Variants in CIMIP2B observed in about 807,000 individuals in gnomAD.
CIMIP2B encodes ciliary microtubule inner protein 2B.
the CIMIP2B span, chr9:35,562,521 C>G: frequency 1.9e-6 from 3 of 1,576,236 alleles, no homozygotes; most frequent in Non-Finnish European, 2.6e-6. Flanking sequence ...TTGGTGAGCA[C>G]AGGAAAGCTG....
chr9:35,563,802 T>C, the CIMIP2B span: 1 of 1,614,008 alleles, frequency 6.2e-7, no homozygotes, highest in South Asian at 1.1e-5. Context: ...GGTTGAGCCC[T>C]GGTATGAAGG....
the CIMIP2B span, chr9:35,563,791 GGGT>G: frequency 6.2e-7 from 1 of 1,614,044 alleles, no homozygotes; most frequent in Non-Finnish European, 8.5e-7. Flanking sequence ...AGGGTTCTGA[GGGT>G]TGAGCCCTGG....
At chr9:35,563,618 C>T in the CIMIP2B span, 1 of 763,644 alleles carries the variant, frequency 1.3e-6, no homozygotes, top group Non-Finnish European at 2.2e-6. Flanking sequence ...TCACTAGTCC[C>T]TTGCTTCTCC....
chr9:35,563,869 G>C, the CIMIP2B span: 21 of 1,585,008 alleles, frequency 1.3e-5, no homozygotes, highest in Non-Finnish European at 1.8e-5. Flanking sequence ...TTGAGCCAAG[G>C]CTCTGGTCTG....
At chr9:35,563,337 G>A in the CIMIP2B span, 1 of 1,613,892 alleles carries the variant, frequency 6.2e-7, no homozygotes, top group Non-Finnish European at 8.5e-7. Flanking sequence ...CCAGTCACCT[G>A]CCCATAGGTC....
chr9:35,563,006 TAA>T, the CIMIP2B span: 2 of 1,613,868 alleles, frequency 1.2e-6, no homozygotes, highest in Non-Finnish European at 1.7e-6. Flanking sequence ...TGCAAGTGAG[TAA>T]AGTCACTCAG....
chr9:35,562,021 G>A, the CIMIP2B span: 1 of 1,491,682 alleles, frequency 6.7e-7, no homozygotes. Flanking sequence ...GCCAAGAGCT[G>A]CTTCTGGAAG....
chr9:35,563,628 C>T, the CIMIP2B span: 1 of 803,090 alleles, frequency 1.2e-6, no homozygotes, highest in Admixed American at 2.4e-5. Flanking sequence ...CTTGCTTCTC[C>T]TTTTCCATCC....
the CIMIP2B span, chr9:35,563,410 C>T: frequency 1.9e-6 from 3 of 1,579,188 alleles, no homozygotes; most frequent in Non-Finnish European, 2.6e-6. Context: ...GACTCTCCCA[C>T]TCACCAGAAT....
At chr9:35,562,445 G>A in the CIMIP2B span, 1 of 1,579,134 alleles carries the variant, frequency 6.3e-7, no homozygotes, top group Non-Finnish European at 8.6e-7. Flanking sequence ...GGGAAGTGGG[G>A]GGAGATGTTT....
At chr9:35,562,805 C>A in the CIMIP2B span, 1 of 1,609,644 alleles carries the variant, frequency 6.2e-7, no homozygotes. Flanking sequence ...ATGCTGCCCC[C>A]ACTGCCCGGA....
chr9:35,563,471 G>A, the CIMIP2B span: 1 of 1,087,312 alleles, frequency 9.2e-7, no homozygotes. Context: ...CTGAAGCCCT[G>A]ATCTTTCTGG....
the CIMIP2B span, chr9:35,562,542 G>A: frequency 2.9e-4 from 465 of 1,583,372 alleles, 4 homozygotes; most frequent in South Asian, 5.2e-3. Context: ...GAGCCGAAGA[G>A]GAAGCGGGCG....
the CIMIP2B span, chr9:35,563,431 C>G: frequency 1.3e-6 from 2 of 1,481,972 alleles, no homozygotes; most frequent in South Asian, 1.2e-5. Flanking sequence ...CGCCCTGCCC[C>G]GCCATCCCCA....
the CIMIP2B span, chr9:35,563,855 G>A: frequency 3.7e-6 from 6 of 1,609,368 alleles, no homozygotes; most frequent in South Asian, 4.4e-5. Context: ...CCTTTTGTTT[G>A]CCTTTGAGCC....
At chr9:35,562,618 A>ACGC in the CIMIP2B span, 1 of 1,611,928 alleles carries the variant, frequency 6.2e-7, no homozygotes, top group Non-Finnish European at 8.5e-7. Flanking sequence ...GGGCCTCCCC[A>ACGC]CGCCTCTGAT....
At chr9:35,563,772 G>A in the CIMIP2B span, 1 of 1,613,614 alleles carries the variant, frequency 6.2e-7, no homozygotes, top group Non-Finnish European at 8.5e-7. Flanking sequence ...CTTACCCTGG[G>A]ATATAATGAG....
chr9:35,562,273 G>A, the CIMIP2B span: 1 of 1,086,588 alleles, frequency 9.2e-7, no homozygotes, highest in Non-Finnish European at 1.3e-6. Context: ...CATGATCTGA[G>A]CCCTCCCATA....
At chr9:35,562,907 G>A in the CIMIP2B span, 1 of 1,613,936 alleles carries the variant, frequency 6.2e-7, no homozygotes, top group Middle Eastern at 1.6e-4. Context: ...GGCTCCTCCA[G>A]CTGCCCCTCC....
Sources: gnomAD v4.1 joint callset for allele counts on GRCh38, gnomAD v4.1.1 for gene constraint, MANE v1.5 for transcripts, NCBI Gene and HGNC (gene_info 2026-07-23, HGNC 2026-07-21) for gene names.